The following PRKAG2 variants were observed in gnomAD, a reference collection of about 807,000 sequenced individuals.
PRKAG2 encodes 5'-AMP-activated protein kinase subunit gamma-2.
A neutral mutation model predicts 69.6 loss-of-function variants in PRKAG2; 26 were observed. The ratio of observed to expected loss-of-function variants is 0.37; its 90% CI spans 0.27 to 0.52. The LOEUF is 0.52. Ranked by LOEUF, PRKAG2 falls within the 20% of genes least tolerant of loss-of-function variation. The pLI is 0.90. For synonymous variants in PRKAG2, 293 were observed against 285.0 expected, an observed-to-expected ratio of 1.03 and a Z score of -0.28; for missense variants, 557 against 740.0, an observed-to-expected ratio of 0.75 and a Z score of 2.87.
intron 3 of PRKAG2, among the ~76,000 whole-genome samples, chr7:151,709,116 A>G (rs1839110673): frequency 6.6e-6 from 1 of 151,968 alleles, no homozygotes; most frequent in African/African-American, 2.4e-5. Flanking sequence ...ACATTTTATG[A>G]TGGTATGTGA....
chr7:151,847,832 G>A (rs76175884), intron 1 of PRKAG2, among the ~76,000 whole-genome samples: 7,386 of 152,320 alleles, frequency 0.048, 607 homozygotes, highest in African/African-American at 0.17. Context: ...GGAAGCATCC[G>A]TTTAGGCAGG....
At chr7:151,664,906 G>A (rs1830817984) in intron 4 of PRKAG2, among the ~76,000 whole-genome samples, 2 of 152,000 alleles carry the variant, frequency 1.3e-5, no homozygotes, top group African/African-American at 4.8e-5. Flanking sequence ...AAGGGATGCA[G>A]ATTTTATCTT....
intron 1 of PRKAG2, among the ~76,000 whole-genome samples, chr7:151,811,844 T>C (rs1007806041): frequency 6.6e-6 from 1 of 152,228 alleles, no homozygotes; most frequent in Non-Finnish European, 1.5e-5. Context: ...ACATTCACCA[T>C]GTGGCTCATA....
intron 1 of PRKAG2, among the ~76,000 whole-genome samples, chr7:151,855,827 G>T (rs2079760762): frequency 3.3e-5 from 5 of 152,262 alleles, no homozygotes; most frequent in Admixed American, 3.3e-4. Context: ...GGACCTCACA[G>T]ATGAGTCTGT....
intron 5 of PRKAG2, among the ~76,000 whole-genome samples, chr7:151,623,363 CAAAAAAAAAAAA>C (rs71198724): frequency 2.7e-5 from 1 of 36,664 alleles, no homozygotes; most frequent in Non-Finnish European, 5.1e-5. Flanking sequence ...GACTCTGTCT[CAAAAAAAAAAAA>C]AAAAAAAAAA....
intron 14 of PRKAG2, among the ~76,000 whole-genome samples, chr7:151,562,635 T>C (rs1048535352): frequency 5.3e-5 from 8 of 152,176 alleles, no homozygotes; most frequent in Non-Finnish European, 1.2e-4. Flanking sequence ...TAGTTCACAT[T>C]TGTCTTCTAC....
chr7:151,699,922 C>T lies in PRKAG2; in HGVS notation c.467-24285G>A, dbSNP rs1173108975. ...GGAGTAGAGGGGCAGTGCTCTGCTG[C>T]CACAGGCGGCCGCAGATGGGTGCCC... On this transcript the variant is annotated intron_variant, in intron 3 of 15. Coordinates refer to ENST00000287878, the MANE Select transcript of PRKAG2 (RefSeq NM_016203.4). This position sits in a 1 kb window ranked among gnomAD's most constrained non-coding sequence, Gnocchi z 4.5. Among the ~76,000 whole-genome samples the T allele has an allele frequency of 6.6e-6, 1 of 152,146 alleles. No homozygotes were observed. The highest frequency in any genetic ancestry group is 1.5e-5 in the Non-Finnish European group (1 of 68,032).
chr7:151,592,416 G>T (rs771655924), intron 6 of PRKAG2, among the ~76,000 whole-genome samples: 1 of 152,188 alleles, frequency 6.6e-6, no homozygotes, highest in Non-Finnish European at 1.5e-5. Flanking sequence ...CAACTGCAGG[G>T]AGTCCAGTCG....
intron 1 of PRKAG2, among the ~76,000 whole-genome samples, chr7:151,867,069 G>C (rs2080097644): frequency 6.6e-6 from 1 of 152,182 alleles, no homozygotes. Context: ...CGCAAGGAAA[G>C]ACCCAGACCT....
chr7:151,815,287 G>C (rs1172190055), intron 1 of PRKAG2, among the ~76,000 whole-genome samples: 2 of 152,110 alleles, frequency 1.3e-5, no homozygotes, highest in African/African-American at 4.8e-5. Context: ...CTGATGCTTT[G>C]ACACCTGGGG....
At chr7:151,693,419 C>A (rs1046068312) in intron 3 of PRKAG2, among the ~76,000 whole-genome samples, 7 of 152,198 alleles carry the variant, frequency 4.6e-5, no homozygotes, top group South Asian at 2.1e-4. Context: ...CCACCCGTCC[C>A]TCCTCCAGGC....
rs1563753224 is a variant in PRKAG2, at chr7:151,850,916, T to A, written c.114+25591A>T. On this transcript the variant is annotated intron_variant, in intron 1 of 15. Transcript: ENST00000287878. The surrounding 1 kb of genome is among the most constrained non-coding windows in gnomAD (Gnocchi z 4.1). Reference sequence around the variant, plus strand: ...AGAAGTCCTCGATGAGCCGCCGCAATGTGACCTTAGGCCAGTCACTTGAGC... The same window carrying A: ...AGAAGTCCTCGATGAGCCGCCGCAAAGTGACCTTAGGCCAGTCACTTGAGC... Among the ~76,000 whole-genome samples, 1 of 152,212 alleles carries A rather than the reference T, an allele frequency of 6.6e-6. No individual in the cohort carries two copies. Among genetic ancestry groups the A allele is most frequent in the Non-Finnish European group, 1.5e-5 (1 of 68,038 alleles).
At chr7:151,753,001 A>G (rs887593929) in intron 3 of PRKAG2, among the ~76,000 whole-genome samples, 2 of 152,250 alleles carry the variant, frequency 1.3e-5, no homozygotes, top group Non-Finnish European at 2.9e-5. Context: ...GGGATGCAGA[A>G]GCCCAGGGCA....
chr7:151,834,535 C>T (rs544492186), intron 1 of PRKAG2, among the ~76,000 whole-genome samples: 7 of 152,206 alleles, frequency 4.6e-5, no homozygotes, highest in Non-Finnish European at 1.0e-4. Context: ...TCCCTGTTTG[C>T]ACCGCACAGC....
At chr7:151,856,084 A>T (rs2079768562) in intron 1 of PRKAG2, among the ~76,000 whole-genome samples, 1 of 152,210 alleles carries the variant, frequency 6.6e-6, no homozygotes, top group East Asian at 1.9e-4. Context: ...AAGAAAGAAG[A>T]TTTCTTAAAA....
chr7:151,809,608 C>T, intron 1 of PRKAG2: 1 of 185,222 alleles, frequency 5.4e-6, no homozygotes, highest in Non-Finnish European at 1.1e-5. Flanking sequence ...ACCGGGCTGC[C>T]TGAGCCCAAA....
At chr7:151,855,931 C>T (rs1312784558) in intron 1 of PRKAG2, among the ~76,000 whole-genome samples, 1 of 152,162 alleles carries the variant, frequency 6.6e-6, no homozygotes, top group Non-Finnish European at 1.5e-5. Flanking sequence ...CATAAAATAC[C>T]TTGAAAGGAG....
chr7:151,684,065 G>A lies in PRKAG2; in HGVS notation c.467-8428C>T, dbSNP rs537418791. On this transcript the variant is annotated intron_variant, in intron 3 of 15. Coordinates refer to ENST00000287878, the MANE Select transcript of PRKAG2 (RefSeq NM_016203.4). ...AGCCCTACCCTCCAGGGCCGCTGGA[G>A]CTGAGTGCCCAGCCCTCTGACTCCA... is the stretch of plus-strand genomic sequence containing the variant. Among the ~76,000 whole-genome samples, 571 of 152,274 alleles carry A rather than the reference G, an allele frequency of 3.7e-3. 6 individuals are homozygous for A. The highest frequency in any genetic ancestry group is 0.013 in the African/African-American group (552 of 41,534).
In PRKAG2 at chr7:151,777,675, T is replaced by A. The variant is rs562069233; in HGVS notation, c.466+3477A>T. On this transcript the variant is annotated intron_variant, in intron 3 of 15. Coordinates refer to ENST00000287878, the MANE Select transcript of PRKAG2 (RefSeq NM_016203.4). The surrounding 1 kb of genome is among the most constrained non-coding windows in gnomAD (Gnocchi z 4.3). ...CCAGCCTGGCCCACTCCATCCTGCA[T>A]CCAGCCTCACAGGCTGGCTGGCTTT... Among the ~76,000 whole-genome samples, 1 of 152,214 alleles carries A rather than the reference T, an allele frequency of 6.6e-6. No homozygotes were observed. Among genetic ancestry groups the A allele is most frequent in the Non-Finnish European group, 1.5e-5 (1 of 68,042 alleles).
Sources: allele counts gnomAD v4.1 joint callset (sites outside exome capture counted in the v4.1 genomes callset), GRCh38; gene constraint gnomAD v4.1.1; non-coding constraint Gnocchi (gnomAD v3.1); transcripts MANE v1.5; gene names NCBI Gene and HGNC (gene_info 2026-07-23, HGNC 2026-07-21).